Variants in ARHGAP29 observed in about 807,000 individuals in gnomAD.
The protein encoded by ARHGAP29 is rho GTPase-activating protein 29.
A neutral mutation model predicts 122.6 loss-of-function variants in ARHGAP29; 43 were observed. That is an observed-to-expected ratio of 0.35 (90% CI 0.27 to 0.45). ARHGAP29 has a LOEUF of 0.45. Among genes scored for constraint, ARHGAP29 ranks in the 20% least tolerant of loss-of-function variants. The pLI is 1.00. For missense variants in ARHGAP29, 1,303 were observed against 1,477.2 expected, an observed-to-expected ratio of 0.88 and a Z score of 1.93; for synonymous variants, 506 against 497.1, an observed-to-expected ratio of 1.02 and a Z score of -0.24.
the ARHGAP29 span, among the ~76,000 whole-genome samples, chr1:94,289,675 T>C: frequency 6.6e-6 from 1 of 152,206 alleles, no homozygotes; most frequent in Non-Finnish European, 1.5e-5. Context: ...CGTCAATAAC[T>C]AGTTTATTGA....
Position 94,185,057 on chromosome 1 carries a change from G to A in ARHGAP29, c.1924C>T (p.Leu642Phe), listed in dbSNP as rs1649710840. The change falls in exon 18 of 23, where the codon CTC becomes TTC. Residue 642 changes from leucine (L) to phenylalanine (F), a missense_variant. Coordinates refer to ENST00000260526, the MANE Select transcript of ARHGAP29 (RefSeq NM_004815.4). ...AAACACTTTCGATGACAAACAAGGA[G>A]ACACTACAAGAAAATGATAGTTTGA... ...VFQGVECEECLLVCHRKCLEN... is the reference protein window; with the variant it reads ...VFQGVECEECFLVCHRKCLEN... The A allele has an allele frequency of 2.5e-6, 4 of 1,606,832 alleles. No individual in the cohort carries two copies. Among genetic ancestry groups the A allele is most frequent in the Admixed American group, 1.7e-5 (1 of 58,566 alleles).
the ARHGAP29 span, among the ~76,000 whole-genome samples, chr1:94,301,332 G>T: frequency 6.6e-6 from 1 of 152,152 alleles, no homozygotes; most frequent in Admixed American, 6.5e-5. Flanking sequence ...GGGGAATCAC[G>T]TTGTAGGGAA....
intron 2 of ARHGAP29, 76 bp downstream of exon 2, chr1:94,231,331 A>T: frequency 7.8e-7 from 1 of 1,274,958 alleles, no homozygotes; most frequent in Non-Finnish European, 1.1e-6. Flanking sequence ...ACCACTGTGT[A>T]CAAACTTATC....
At chr1:94,217,011 A>C (rs1651986831) in intron 3 of ARHGAP29, among the ~76,000 whole-genome samples, 1 of 152,222 alleles carries the variant, frequency 6.6e-6, no homozygotes, top group South Asian at 2.1e-4. Context: ...AATAAAAAAT[A>C]TGGGTAAAGA....
chr1:94,181,402 G>C (rs1649450491), intron 19 of ARHGAP29, among the ~76,000 whole-genome samples: 1 of 152,106 alleles, frequency 6.6e-6, no homozygotes. Context: ...CAAACACAAA[G>C]GACAGACGGG....
chr1:94,174,170 T>C lies in ARHGAP29; in HGVS notation c.3485A>G (p.His1162Arg), dbSNP rs760872144. 34 of 1,614,030 alleles carry C rather than the reference T, an allele frequency of 2.1e-5. No homozygotes were observed. Among genetic ancestry groups the C allele is most frequent in the Non-Finnish European group, 2.8e-5 (33 of 1,180,018 alleles). Reference protein sequence around the residue: ...VRAPRTLQPQHWTTFYKPHAP... With the variant: ...VRAPRTLQPQRWTTFYKPHAP... ...ATGTGGTTTATAAAATGTTGTCCAATGTTGAGGCTGCAGTGTTCTGGGTGC... is the reference window on the plus strand; with the variant it reads ...ATGTGGTTTATAAAATGTTGTCCAACGTTGAGGCTGCAGTGTTCTGGGTGC... The change falls in exon 23 of 23, where the codon CAT becomes CGT. Residue 1162 changes from histidine to arginine, a missense_variant. Physicochemically the swap from His to Arg is conservative, Grantham distance 29. This residue lies in a region of ARHGAP29 where 620 missense variants were observed against 651.2 expected (regional missense o/e 0.95). Coordinates refer to ENST00000260526, the MANE Select transcript of ARHGAP29 (RefSeq NM_004815.4).
chr1:94,302,618 G>A, the ARHGAP29 span: 24 of 418,598 alleles, frequency 5.7e-5, no homozygotes, highest in East Asian at 5.9e-4. Context: ...TGGCCATGGG[G>A]CTCTCCATTA....
rs1399923966 is a variant in ARHGAP29, at chr1:94,203,859, A to G, written c.762+71T>C. 3.0e-6 allele frequency: 4 copies of G among 1,353,130 alleles called. No individual in the cohort carries two copies. In the East Asian group the frequency reaches 9.2e-5, roughly 31 times the overall value. 83.8% of individuals were successfully genotyped at this position (1,353,130 alleles called of 1,614,324 possible). Reference sequence around the variant, plus strand: ...TTCCTATATTAACTGAAATATTCTGATTTTGCAAATTATTGGGAGTTCATG... The same window carrying G: ...TTCCTATATTAACTGAAATATTCTGGTTTTGCAAATTATTGGGAGTTCATG... On this transcript the variant is annotated intron_variant, in intron 8 of 22. Coordinates refer to ENST00000260526, the MANE Select transcript of ARHGAP29 (RefSeq NM_004815.4).
chr1:94,245,429 A>C (rs1012600668), intron 1 of ARHGAP29, among the ~76,000 whole-genome samples: 6 of 152,196 alleles, frequency 3.9e-5, no homozygotes, highest in Non-Finnish European at 7.4e-5. Flanking sequence ...TCATAGATGA[A>C]TCTCAAAAGC....
rs61782616 is a variant in ARHGAP29, at chr1:94,197,113, T to C, written c.1281+4607A>G. Among the ~76,000 whole-genome samples, 98 of 152,190 alleles carry C rather than the reference T, an allele frequency of 6.4e-4. 1 individual carries two copies. The highest frequency in any genetic ancestry group is 1.2e-3 in the Non-Finnish European group (83 of 68,008). On this transcript the variant is annotated intron_variant, in intron 12 of 22. Transcript: ENST00000260526. The stretch of plus-strand genomic sequence containing the variant: ...AAAGATAATAAGACTTATAAACCTC[T>C]TGCCAGACTGACCAATGAGAGAGAA...
chr1:94,210,195 C>T (rs1186867580), intron 3 of ARHGAP29, among the ~76,000 whole-genome samples: 1 of 152,082 alleles, frequency 6.6e-6, no homozygotes, highest in Non-Finnish European at 1.5e-5. Context: ...GTAACTGGTT[C>T]CCTATATGAC....
At chr1:94,231,687 A>T (rs1652928885) in intron 1 of ARHGAP29, 44 bp from the exon 2 acceptor site, 2 of 1,415,604 alleles carry the variant, frequency 1.4e-6, no homozygotes, top group African/African-American at 1.4e-5. Context: ...GAGGAGAGAG[A>T]AAGAAACACA....
At chr1:94,256,710 T>C (rs1025664198) in intron 1 of ARHGAP29, among the ~76,000 whole-genome samples, 7 of 150,720 alleles carry the variant, frequency 4.6e-5, no homozygotes, top group Non-Finnish European at 1.0e-4. Context: ...AGGCGCCCAC[T>C]ACCACGCCCG....
At chr1:94,223,395 T>TAA (rs1652433230) in intron 2 of ARHGAP29, among the ~76,000 whole-genome samples, 1 of 152,088 alleles carries the variant, frequency 6.6e-6, no homozygotes, top group African/African-American at 2.4e-5. Flanking sequence ...GTGAGTTACT[T>TAA]AGCCCCTCTG....
At chr1:94,243,647 G>A (rs1171397892) in intron 1 of ARHGAP29, among the ~76,000 whole-genome samples, 1 of 151,760 alleles carries the variant, frequency 6.6e-6, no homozygotes, top group Non-Finnish European at 1.5e-5. Flanking sequence ...AAAACAAAGA[G>A]CAAATTATAC....
At chr1:94,252,702 T>C (rs1035723482) in intron 1 of ARHGAP29, among the ~76,000 whole-genome samples, 1 of 148,744 alleles carries the variant, frequency 6.7e-6, no homozygotes, top group Non-Finnish European at 1.5e-5. Context: ...AGTATTCTAA[T>C]AGAAGTTCTC....
intron 12 of ARHGAP29, chr1:94,193,636 C>A (rs1285704699): frequency 1.3e-5 from 2 of 152,060 alleles, no homozygotes; most frequent in Non-Finnish European, 2.9e-5. Context: ...GGCAGTGGAA[C>A]AATATTTTTA....
At chr1:94,306,440 C>A in the ARHGAP29 span, among the ~76,000 whole-genome samples, 1 of 152,206 alleles carries the variant, frequency 6.6e-6, no homozygotes, top group Non-Finnish European at 1.5e-5. Context: ...ACATAATAAA[C>A]CAGCAGGCAA....
intron 2 of ARHGAP29, among the ~76,000 whole-genome samples, chr1:94,228,616 C>A (rs766832861): frequency 5.3e-5 from 8 of 151,782 alleles, no homozygotes; most frequent in Non-Finnish European, 1.2e-4. Context: ...ACATACATCT[C>A]ATCTGTGAAA....
Sources: gnomAD v4.1 joint callset for allele counts (sites outside exome capture counted in the v4.1 genomes callset) on GRCh38, gnomAD v4.1.1 for gene constraint, gnomAD v4.1.1 regional missense constraint, MANE v1.5 for transcripts, NCBI Gene and HGNC (gene_info 2026-07-23, HGNC 2026-07-21) for gene names.